SERAC1: variants seen among roughly 807,000 people sequenced by gnomAD.
SERAC1 encodes the protein serine active site containing 1, also known as protein SERAC1.
SERAC1 carries 36 observed loss-of-function variants against 85.7 expected under a neutral mutation model. That is an observed-to-expected ratio of 0.42 (90% CI 0.32 to 0.55). SERAC1 has a LOEUF of 0.55. Among genes scored for constraint, SERAC1 ranks in the 20% least tolerant of loss-of-function variants. The pLI, the probability that SERAC1 is intolerant of heterozygous loss-of-function variation, is 0.11. For synonymous variants in SERAC1, 242 were observed against 265.3 expected, an observed-to-expected ratio of 0.91 and a Z score of 0.85; for missense variants, 629 against 796.2, an observed-to-expected ratio of 0.79 and a Z score of 2.53.
At position 158,114,778 on chromosome 6, in the gene SERAC1, A is replaced by G. The variant is rs772793010; in HGVS notation, c.1684+11T>C. On this transcript the variant is annotated intron_variant, in intron 15 of 16. Transcript: ENST00000647468. The stretch of plus-strand genomic sequence containing the variant: ...TATAACCCCAATTTCCTTTATGACA[A>G]AAAGTATTACCCTTGCTGAGTTCTT... 11 of 1,609,150 alleles carry G rather than the reference A, an allele frequency of 6.8e-6. No individual in the cohort carries two copies. Among genetic ancestry groups the G allele is most frequent in the Non-Finnish European group, 1.7e-6 (2 of 1,178,178 alleles).
At chr6:158,125,606 ATACTCCCAG>A (rs1440724828) in intron 10 of SERAC1, among the ~76,000 whole-genome samples, 2 of 152,164 alleles carry the variant, frequency 1.3e-5, no homozygotes, top group Admixed American at 1.3e-4. Flanking sequence ...GCCCAAACAT[ATACTCCCAG>A]CTACTCGTGA....
At chr6:158,143,339 CTCTCTCTCTA>C (rs1350391205) in intron 7 of SERAC1, among the ~76,000 whole-genome samples, 155 bp from the exon 8 acceptor site, 43 of 23,300 alleles carry the variant, frequency 1.8e-3, no homozygotes, top group South Asian at 4.2e-3. Flanking sequence ...CTCTCTCTCT[CTCTCTCTCTA>C]TATATATATA....
chr6:158,160,437 T>G (rs1785462675), intron 1 of SERAC1, among the ~76,000 whole-genome samples: 2 of 152,172 alleles, frequency 1.3e-5, no homozygotes, highest in African/African-American at 2.4e-5. Flanking sequence ...AAATGAATGA[T>G]TATTAGAAAC....
At chr6:158,159,038 T>G (rs1323635729) in intron 1 of SERAC1, 6 of 152,180 alleles carry the variant, frequency 3.9e-5, no homozygotes, top group African/African-American at 1.4e-4. Flanking sequence ...TAGTGAGGTT[T>G]TTTTTTCTTT....
Position 158,128,247 on chromosome 6 carries a change from GATT to G in SERAC1, c.873_875del (p.Lys291_Ile292delinsAsn). The G allele has an allele frequency of 6.2e-7, 1 of 1,613,902 alleles. No individual in the cohort carries two copies. The highest frequency in any genetic ancestry group is 8.5e-7 in the Non-Finnish European group (1 of 1,179,920). ...GTAGCTGCAGGCCTCCATTTGCTTC[GATT>G]TTATCACAATGTGTGGATATCTGGC... On this transcript the variant is annotated inframe_deletion, in exon 10 of 17. Coordinates refer to ENST00000647468, the MANE Select transcript of SERAC1 (RefSeq NM_032861.4).
In SERAC1 at chr6:158,114,860, C is replaced by T. The variant is rs768835421; in HGVS notation, c.1613G>A (p.Arg538His). The change falls in exon 15 of 17, where the codon CGT (arginine) becomes CAT (histidine). Residue 538 changes from arginine to histidine, a missense_variant. Physicochemically the swap from Arg to His is conservative, Grantham distance 29. Coordinates refer to ENST00000647468, the MANE Select transcript of SERAC1 (RefSeq NM_032861.4). Reference protein sequence around the residue: ...IFYSVPHHGSRLAEYSVNIRY... With the variant: ...IFYSVPHHGSHLAEYSVNIRY... ...AATATTAACAGAGTATTCAGCCAAA[C>T]GTGATCCATGATGAGGGACACTATA... 1.1e-5 allele frequency: 17 copies of T among 1,613,876 alleles called. No individual in the cohort carries two copies. Among genetic ancestry groups the T allele is most frequent in the African/African-American group, 5.3e-5 (4 of 74,910 alleles).
At chr6:158,163,774 C>A (rs1449294725) in intron 1 of SERAC1, among the ~76,000 whole-genome samples, 1 of 151,832 alleles carries the variant, frequency 6.6e-6, no homozygotes, top group African/African-American at 2.4e-5. Flanking sequence ...ACTCTGTCGC[C>A]CAGGCAGGAT....
At chr6:158,157,867 C>T (rs192854792) in intron 2 of SERAC1, among the ~76,000 whole-genome samples, 59 of 152,244 alleles carry the variant, frequency 3.9e-4, no homozygotes, top group African/African-American at 1.3e-3. Flanking sequence ...GCTTCCTAAA[C>T]GAAGGCAAGG....
intron 3 of SERAC1, among the ~76,000 whole-genome samples, chr6:158,151,893 A>C (rs1354471246): frequency 6.6e-6 from 1 of 152,016 alleles, no homozygotes. Context: ...AAATACAGTA[A>C]GCTGAGGTTA....
At chr6:158,129,785 T>C (rs1371109375) in intron 9 of SERAC1, among the ~76,000 whole-genome samples, 2 of 151,550 alleles carry the variant, frequency 1.3e-5, no homozygotes, top group East Asian at 3.9e-4. Context: ...CAACCTCTGC[T>C]ACCCAGGTTC....
chr6:158,162,811 C>T (rs1029484531), intron 1 of SERAC1, among the ~76,000 whole-genome samples: 3 of 152,152 alleles, frequency 2.0e-5, no homozygotes, highest in African/African-American at 7.2e-5. Flanking sequence ...TTTTTTTACA[C>T]ATAGTTTTTG....
chr6:158,166,107 C>T (rs1279607814), intron 1 of SERAC1: 1 of 152,168 alleles, frequency 6.6e-6, no homozygotes, highest in Non-Finnish European at 1.5e-5. Flanking sequence ...TATTCCTTTC[C>T]AAATACCTTG....
chr6:158,133,295 T>C (rs1156893273), intron 8 of SERAC1, among the ~76,000 whole-genome samples: 2 of 145,734 alleles, frequency 1.4e-5, no homozygotes, highest in Non-Finnish European at 3.0e-5. Flanking sequence ...TGAGACCCTG[T>C]CTCAAACAGA....
intron 10 of SERAC1, among the ~76,000 whole-genome samples, chr6:158,123,363 A>T (rs557384794): frequency 6.6e-6 from 1 of 152,362 alleles, no homozygotes; most frequent in East Asian, 1.9e-4. Context: ...TGGAGGGCTT[A>T]TAAAAGAGGT....
chr6:158,163,511 G>A lies in SERAC1; in HGVS notation c.-2+4629C>T, dbSNP rs9942426. On this transcript the variant is annotated intron_variant, in intron 1 of 16. Coordinates refer to ENST00000647468, the MANE Select transcript of SERAC1 (RefSeq NM_032861.4). ...CCACAAATCAACTGACTATATCTGC[G>A]GCACATGCCTGTAATACCAGCTACT... is the stretch of plus-strand genomic sequence containing the variant. Among the ~76,000 whole-genome samples the A allele has an allele frequency of 4.6e-3, 703 of 152,218 alleles. 6 individuals carry two copies. The highest frequency in any genetic ancestry group is 0.014 in the African/African-American group (595 of 41,530).
chr6:158,154,807 A>T (rs1168509289), intron 3 of SERAC1, among the ~76,000 whole-genome samples: 1 of 152,176 alleles, frequency 6.6e-6, no homozygotes, highest in East Asian at 1.9e-4. Flanking sequence ...TTAGAACCTA[A>T]TACCAGATGT....
chr6:158,138,523 C>T lies in SERAC1; in HGVS notation c.738+4533G>A, dbSNP rs73023966. On this transcript the variant is annotated intron_variant, in intron 8 of 16. Coordinates refer to ENST00000647468, the MANE Select transcript of SERAC1 (RefSeq NM_032861.4). The stretch of plus-strand genomic sequence containing the variant: ...TGGCAAAAGGTAAGGTTACAGAACA[C>T]TACAGAAGGTAGAGGAATATTAACT... Among the ~76,000 whole-genome samples the T allele has an allele frequency of 2.6e-3, 394 of 150,056 alleles. 1 individual carries two copies. Among genetic ancestry groups the T allele is most frequent in the Non-Finnish European group, 4.4e-3 (298 of 67,648 alleles).
chr6:158,146,353 T>G (rs890871358), intron 6 of SERAC1: 5 of 160,194 alleles, frequency 3.1e-5, no homozygotes, highest in African/African-American at 1.2e-4. Flanking sequence ...ATACTAACAC[T>G]GCCTGAATTA....
Position 158,113,494 on chromosome 6 carries a change from T to G in SERAC1, c.1783A>C (p.Ile595Leu), listed in dbSNP as rs533582617. ...LNFVETLPTY[I>L]GSMIKLHVVP... ...ACATGGAGCTTAATCATGCTGCCAATGTAGGTTGGTAGTGTTTCCACAAAA... is the reference window on the plus strand; with the variant it reads ...ACATGGAGCTTAATCATGCTGCCAAGGTAGGTTGGTAGTGTTTCCACAAAA... Residue 595 changes from isoleucine (I) to leucine (L), a missense_variant, in exon 16 of 17, where the codon ATT becomes CTT. Transcript: ENST00000647468. 3 of 1,613,986 alleles carry G rather than the reference T, an allele frequency of 1.9e-6. No homozygotes were observed. The highest frequency in any genetic ancestry group is 2.7e-5 in the African/African-American group (2 of 75,036).
Sources: gnomAD v4.1 joint callset for allele counts (sites outside exome capture counted in the v4.1 genomes callset) on GRCh38, gnomAD v4.1.1 for gene constraint, MANE v1.5 for transcripts, NCBI Gene and HGNC (gene_info 2026-07-23, HGNC 2026-07-21) for gene names.